Variants in DLC1 observed in about 807,000 individuals in gnomAD.
DLC1 encodes the protein rho GTPase-activating protein 7.
In DLC1, 54 loss-of-function variants were observed where a neutral mutation model predicts 140.3. The ratio of observed to expected loss-of-function variants is 0.38; its 90% CI spans 0.31 to 0.48. The LOEUF is 0.48. Among genes scored for constraint, DLC1 ranks in the 20% least tolerant of loss-of-function variants. DLC1 has a pLI of 0.96. For synonymous variants in DLC1, 986 were observed against 728.1 expected, an observed-to-expected ratio of 1.35 and a Z score of -5.70; for missense variants, 2,536 against 1,907.0, an observed-to-expected ratio of 1.33 and a Z score of -6.14.
At chr8:13,212,406 G>C (rs751463871) in intron 5 of DLC1, among the ~76,000 whole-genome samples, 2 of 152,122 alleles carry the variant, frequency 1.3e-5, no homozygotes, top group Non-Finnish European at 2.9e-5. Context: ...GGTTTCATGA[G>C]GACAGGGGTT....
chr8:13,599,782 G>T (rs1805808494), intron 1 of DLC1, among the ~76,000 whole-genome samples: 1 of 151,778 alleles, frequency 6.6e-6, no homozygotes, highest in Non-Finnish European at 1.5e-5. Context: ...ATTCTCAATA[G>T]GGAAATGCAA....
chr8:13,413,260 T>TTC (rs1837878752), intron 2 of DLC1, among the ~76,000 whole-genome samples: 1 of 132,958 alleles, frequency 7.5e-6, no homozygotes, highest in Admixed American at 7.4e-5. Flanking sequence ...TTTGCGATTT[T>TTC]TTTTTTTTTT....
At chr8:13,161,056 G>A (rs1824655174) in intron 5 of DLC1, among the ~76,000 whole-genome samples, 1 of 152,222 alleles carries the variant, frequency 6.6e-6, no homozygotes, top group African/African-American at 2.4e-5. Flanking sequence ...TCTCCAGCCT[G>A]GGCGACAGAG....
intron 4 of DLC1, among the ~76,000 whole-genome samples, chr8:13,385,560 T>G (rs923428533): frequency 8.5e-5 from 13 of 152,226 alleles, no homozygotes; most frequent in African/African-American, 2.9e-4. Flanking sequence ...GGTGGCATCT[T>G]AGGACTTTAT....
chr8:13,237,697 G>C (rs185600656), intron 5 of DLC1, among the ~76,000 whole-genome samples: 1 of 152,048 alleles, frequency 6.6e-6, no homozygotes, highest in Non-Finnish European at 1.5e-5. Flanking sequence ...CCACTTATGA[G>C]AGGATGCACA....
At chr8:13,342,445 A>C (rs959304843) in intron 4 of DLC1, 3 of 152,222 alleles carry the variant, frequency 2.0e-5, no homozygotes, top group African/African-American at 7.2e-5. Context: ...ATTGCTGTGA[A>C]AGTATTTTTC....
chr8:13,186,798 T>G (rs1313465920), intron 5 of DLC1, among the ~76,000 whole-genome samples: 1 of 152,222 alleles, frequency 6.6e-6, no homozygotes, highest in Non-Finnish European at 1.5e-5. Flanking sequence ...TTATCTACCT[T>G]TGGACTTTGA....
chr8:13,268,924 G>T (rs949745193), intron 5 of DLC1, among the ~76,000 whole-genome samples: 1 of 140,368 alleles, frequency 7.1e-6, no homozygotes, highest in Non-Finnish European at 1.5e-5. Context: ...GCCCAGGCTA[G>T]AGTGCAGTGG....
intron 2 of DLC1, among the ~76,000 whole-genome samples, chr8:13,436,628 C>A (rs751572673): frequency 6.6e-6 from 1 of 152,052 alleles, no homozygotes; most frequent in African/African-American, 2.4e-5. Context: ...TAACACACAG[C>A]AACTGGACAA....
intron 1 of DLC1, among the ~76,000 whole-genome samples, chr8:13,594,696 T>G (rs1307019155): frequency 6.6e-6 from 1 of 152,066 alleles, no homozygotes; most frequent in Non-Finnish European, 1.5e-5. Flanking sequence ...GCACATTTAT[T>G]AGAGAAGTAA....
chr8:13,248,859 T>G (rs536288143), intron 5 of DLC1, among the ~76,000 whole-genome samples: 4 of 151,998 alleles, frequency 2.6e-5, no homozygotes, highest in African/African-American at 9.7e-5. Flanking sequence ...GCAATTCACC[T>G]TTTTTTTCCC....
chr8:13,139,326 G>GA (rs1409799300), intron 5 of DLC1, among the ~76,000 whole-genome samples: 38 of 92,454 alleles, frequency 4.1e-4, no homozygotes, highest in East Asian at 6.2e-4. Flanking sequence ...AAAAGGAAAA[G>GA]AAAAAAAATG....
At position 13,344,450 on chromosome 8, in the gene DLC1, G is replaced by A. The variant is rs540057244; in HGVS notation, c.1315-39148C>T. ...GGAGGTTGCAGTGAGCCGAGATCAC[G>A]CCGTTGCACTCTAGCCTGGGCAACA... On this transcript the variant is annotated intron_variant, in intron 4 of 17. Coordinates refer to ENST00000276297, the MANE Select transcript of DLC1 (RefSeq NM_182643.3). Among the ~76,000 whole-genome samples the A allele has an allele frequency of 3.9e-5, 6 of 152,282 alleles. No individual in the cohort carries two copies. In the South Asian group the frequency reaches 6.2e-4, roughly 16 times the overall value.
intron 2 of DLC1, among the ~76,000 whole-genome samples, chr8:13,477,343 G>A (rs1251705418): frequency 6.6e-6 from 1 of 152,194 alleles, no homozygotes; most frequent in African/African-American, 2.4e-5. Flanking sequence ...CGCGGTAAGT[G>A]CTGGTGTGAG....
chr8:13,122,075 C>T (rs1199124034), intron 5 of DLC1, among the ~76,000 whole-genome samples: 2 of 152,134 alleles, frequency 1.3e-5, no homozygotes, highest in Non-Finnish European at 1.5e-5. Context: ...TGATAAGCCT[C>T]ACCCCTCCCT....
chr8:13,503,079 A>G (rs1801891397), intron 1 of DLC1, among the ~76,000 whole-genome samples: 1 of 152,218 alleles, frequency 6.6e-6, no homozygotes, highest in Non-Finnish European at 1.5e-5. Flanking sequence ...CCTTAACGTA[A>G]GAGTTTTATA....
intron 2 of DLC1, among the ~76,000 whole-genome samples, chr8:13,419,477 G>T (rs1838214457): frequency 6.6e-6 from 1 of 152,096 alleles, no homozygotes; most frequent in African/African-American, 2.4e-5. Flanking sequence ...ATAATCATGT[G>T]GTTTTTGTCT....
chr8:13,142,054 T>C (rs1237956488), intron 5 of DLC1, among the ~76,000 whole-genome samples: 4 of 152,174 alleles, frequency 2.6e-5, no homozygotes, highest in Middle Eastern at 3.2e-3. Context: ...CGAGATCTGA[T>C]GGTTTTATAA....
intron 7 of DLC1, among the ~76,000 whole-genome samples, chr8:13,109,320 G>C (rs757050981): frequency 3.3e-5 from 5 of 152,138 alleles, no homozygotes. Flanking sequence ...CACTTTGGGA[G>C]GCCGAGATGG....
Sources: allele counts gnomAD v4.1 joint callset (sites outside exome capture counted in the v4.1 genomes callset), GRCh38; gene constraint gnomAD v4.1.1; transcripts MANE v1.5; gene names NCBI Gene and HGNC (gene_info 2026-07-23, HGNC 2026-07-21).